DIAPH2: variants seen among roughly 807,000 people sequenced by gnomAD.
DIAPH2 encodes protein diaphanous homolog 2.
A neutral mutation model predicts 92.7 loss-of-function variants in DIAPH2; 35 were observed. That is an observed-to-expected ratio of 0.38 (90% CI 0.29 to 0.50). The LOEUF (loss-of-function observed/expected upper bound fraction) is 0.50. DIAPH2 is among the 20% of genes least tolerant of loss of function. The pLI, the probability that DIAPH2 is intolerant of heterozygous loss-of-function variation, is 0.94. For synonymous variants in DIAPH2, 301 were observed against 280.4 expected, an observed-to-expected ratio of 1.07 and a Z score of -0.73; for missense variants, 701 against 819.5, an observed-to-expected ratio of 0.86 and a Z score of 1.77.
intron 17 of DIAPH2, among the ~76,000 whole-genome samples, chrX:97,058,222 C>A (rs1318735698): frequency 1.8e-5 from 2 of 111,389 alleles, no homozygotes; most frequent in Admixed American, 1.9e-4. Context: ...AAAAACTATT[C>A]GTGAATTTGA....
chrX:97,305,838 AAAAG>A (rs1556022334), intron 23 of DIAPH2, among the ~76,000 whole-genome samples: 6 of 107,849 alleles, frequency 5.6e-5, no homozygotes, highest in Admixed American at 1.0e-4. Context: ...AAAAAAAAAA[AAAAG>A]AAAGAAAGAA....
intron 24 of DIAPH2, among the ~76,000 whole-genome samples, chrX:97,363,367 G>A (rs1466302232): frequency 1.8e-5 from 2 of 110,408 alleles, no homozygotes; most frequent in Non-Finnish European, 3.8e-5. Context: ...TATTAAAAAC[G>A]CCAACTAGGC....
At chrX:96,881,541 A>G in intron 4 of DIAPH2, 38 bp from the exon 5 acceptor site, 2 of 1,150,693 alleles carry the variant, frequency 1.7e-6, no homozygotes, top group Middle Eastern at 4.9e-4. Flanking sequence ...ATTTTTTTTG[A>G]AACATTGTCT....
At chrX:97,185,047 G>A (rs2067568689) in intron 22 of DIAPH2, among the ~76,000 whole-genome samples, 1 of 106,206 alleles carries the variant, frequency 9.4e-6, no homozygotes, top group Non-Finnish European at 1.9e-5. Context: ...GGGAGGCCGA[G>A]GCAGGTGGAT....
At chrX:97,356,868 AAAAC>A (rs1398890544) in intron 24 of DIAPH2, among the ~76,000 whole-genome samples, 119 of 112,095 alleles carry the variant, frequency 1.1e-3, no homozygotes, top group African/African-American at 3.5e-3. Flanking sequence ...TAAAACTAAA[AAAAC>A]AGTTTTTTCT....
intron 4 of DIAPH2, among the ~76,000 whole-genome samples, chrX:96,826,431 A>T (rs1347343791): frequency 9.0e-6 from 1 of 110,962 alleles, no homozygotes; most frequent in East Asian, 2.8e-4. Context: ...AAAAAAAAGA[A>T]ATGTGGTTTT....
intron 4 of DIAPH2, among the ~76,000 whole-genome samples, chrX:96,857,701 T>C (rs768688145): frequency 8.9e-6 from 1 of 112,474 alleles, no homozygotes; most frequent in Non-Finnish European, 1.9e-5. Context: ...AAAAAAACAC[T>C]GACCCAGGAG....
At position 97,473,541 on chromosome X, in the gene DIAPH2, G is replaced by A. The variant is rs1175974216; in HGVS notation, c.3241+43796G>A. On this transcript the variant is annotated intron_variant, in intron 26 of 26. Coordinates refer to ENST00000324765, the MANE Select transcript of DIAPH2 (RefSeq NM_006729.5). Reference sequence around the variant, plus strand: ...AGTAGAGACGGGGTTTCACCGTGTTGGTCAGGCTTGGTCTTGAACTCCTGA... The same window carrying A: ...AGTAGAGACGGGGTTTCACCGTGTTAGTCAGGCTTGGTCTTGAACTCCTGA... Among the ~76,000 whole-genome samples, 11 of 110,660 alleles carry A rather than the reference G, an allele frequency of 9.9e-5. No individual in the cohort carries two copies. In the East Asian group the frequency reaches 2.9e-3, roughly 30 times the overall value.
At chrX:97,191,685 T>A (rs976484279) in intron 22 of DIAPH2, among the ~76,000 whole-genome samples, 2 of 112,638 alleles carry the variant, frequency 1.8e-5, no homozygotes, top group East Asian at 2.8e-4. Flanking sequence ...TCTGTTTATA[T>A]GATCCAAAGT....
At chrX:97,445,153 A>G (rs1246682219) in intron 26 of DIAPH2, among the ~76,000 whole-genome samples, 1 of 111,544 alleles carries the variant, frequency 9.0e-6, no homozygotes, top group Non-Finnish European at 1.9e-5. Flanking sequence ...TGTTGCCATA[A>G]ACAGTATTGA....
At chrX:96,798,581 A>G (rs753140860) in intron 4 of DIAPH2, among the ~76,000 whole-genome samples, 46 of 111,178 alleles carry the variant, frequency 4.1e-4, no homozygotes, top group Admixed American at 1.3e-3. Context: ...TGTCATGTCT[A>G]GATTTATTTC....
Position 97,510,416 on chromosome X carries a change from G to T in DIAPH2, c.3241+80671G>T, listed in dbSNP as rs1256459348. Among the ~76,000 whole-genome samples the T allele has an allele frequency of 5.4e-5, 6 of 111,553 alleles. No individual in the cohort carries two copies. In the East Asian group the frequency reaches 1.4e-3, roughly 26 times the overall value. ...TGTAGATTCTGGATATTAGCCCTTT[G>T]TCAGATGAGTAGATTGCGAAAATTT... On this transcript the variant is annotated intron_variant, in intron 26 of 26. Transcript: ENST00000324765.
intron 5 of DIAPH2, among the ~76,000 whole-genome samples, chrX:96,881,995 A>G (rs749744085): frequency 4.5e-5 from 5 of 111,321 alleles, no homozygotes; most frequent in Non-Finnish European, 9.4e-5. Flanking sequence ...GTGGGATCAG[A>G]TAATTATTAT....
chrX:97,533,532 T>G (rs2071075305), intron 26 of DIAPH2: 1 of 111,269 alleles, frequency 9.0e-6, no homozygotes, highest in African/African-American at 3.3e-5. Context: ...TCCTAACTAC[T>G]AGATAAGCAA....
At chrX:96,697,213 C>T (rs1457971199) in intron 1 of DIAPH2, among the ~76,000 whole-genome samples, 2 of 110,018 alleles carry the variant, frequency 1.8e-5, no homozygotes, top group Non-Finnish European at 3.8e-5. Flanking sequence ...AGGGGATGCT[C>T]AGGGATTCAT....
chrX:97,567,474 T>A (rs1431740836), intron 26 of DIAPH2, among the ~76,000 whole-genome samples: 1 of 112,264 alleles, frequency 8.9e-6, no homozygotes, highest in Non-Finnish European at 1.9e-5. Context: ...AAGATTCAGA[T>A]TTATATGCAG....
At chrX:97,207,567 G>A (rs945403623) in intron 22 of DIAPH2, among the ~76,000 whole-genome samples, 1 of 111,263 alleles carries the variant, frequency 9.0e-6, no homozygotes, top group African/African-American at 3.3e-5. Flanking sequence ...TAAATACTGA[G>A]GTACTAAGCA....
intron 4 of DIAPH2, among the ~76,000 whole-genome samples, chrX:96,865,450 C>G (rs761206425): frequency 8.9e-6 from 1 of 111,874 alleles, no homozygotes; most frequent in Admixed American, 9.5e-5. Context: ...AAGGGGCCCT[C>G]TAGGCAAAAA....
At chrX:97,223,431 C>G (rs987518022) in intron 22 of DIAPH2, among the ~76,000 whole-genome samples, 2 of 110,666 alleles carry the variant, frequency 1.8e-5, no homozygotes, top group Non-Finnish European at 3.8e-5. Context: ...GTTTTTAACC[C>G]CCCACCAGTT....
Sources: gnomAD v4.1 joint callset for allele counts (sites outside exome capture counted in the v4.1 genomes callset) on GRCh38, gnomAD v4.1.1 for gene constraint, MANE v1.5 for transcripts, NCBI Gene and HGNC (gene_info 2026-07-23, HGNC 2026-07-21) for gene names.